MYH7B: variants seen among roughly 807,000 people sequenced by gnomAD.
MYH7B encodes myosin heavy chain 7B.
Under a neutral mutation model 234.5 loss-of-function variants are expected in MYH7B, and 205 were observed. The ratio of observed to expected loss-of-function variants is 0.87; its 90% CI spans 0.78 to 0.98. The LOEUF (loss-of-function observed/expected upper bound fraction) is 0.98. Ranked by LOEUF, MYH7B falls within the 50% of genes least tolerant of loss-of-function variation. The pLI is 0.00. For synonymous variants in MYH7B, 1,193 were observed against 1,105.0 expected, an observed-to-expected ratio of 1.08 and a Z score of -1.58; for missense variants, 2,652 against 2,633.4, an observed-to-expected ratio of 1.01 and a Z score of -0.15.
chr20:35,000,847 A>C lies in MYH7B; in HGVS notation c.5258A>C (p.Gln1753Pro), dbSNP rs775973294. ...AGCGGGGAGGTGGAGGAGGCTGCAC[A>C]GGAGAGGCGGGAGGCTGAGGAGAAG... is the stretch of plus-strand genomic sequence containing the variant. The change falls in exon 40 of 45, where the codon CAG becomes CCG. Residue 1753 changes from glutamine to proline, a missense_variant. Gln to Pro is a moderately conservative substitution (Grantham distance 76, BLOSUM62 -1). This residue lies in a region of MYH7B where 2,279 missense variants were observed against 2,211.4 expected (regional missense o/e 1.03). Transcript: ENST00000262873. 3.7e-6 allele frequency: 6 copies of C among 1,613,818 alleles called. No individual in the cohort carries two copies. In the South Asian group the frequency reaches 6.6e-5, roughly 18 times the overall value.
chr20:35,001,465 A>G, exon 43 of MYH7B: 7 of 1,609,376 alleles, frequency 4.3e-6, no homozygotes, highest in Non-Finnish European at 5.9e-6. Flanking sequence ...GCTCGCATGC[A>G]GGACCTGGTG....
intron 2 of MYH7B, among the ~76,000 whole-genome samples, chr20:34,973,251 C>T (rs569156230): frequency 1.3e-5 from 2 of 152,298 alleles, no homozygotes; most frequent in South Asian, 4.1e-4. Flanking sequence ...GGATTATGGG[C>T]ATAAGCCACT....
intron 7 of MYH7B, 132 bp downstream of exon 7, chr20:34,979,936 A>G (rs1600421838): frequency 1.5e-5 from 11 of 727,070 alleles, no homozygotes; most frequent in South Asian, 8.3e-5. Context: ...TGAATGATAG[A>G]GCGGGTCCAT....
chr20:34,977,801 G>A, intron 4 of MYH7B, 121 bp downstream of exon 4: 3 of 1,506,910 alleles, frequency 2.0e-6, no homozygotes, highest in Non-Finnish European at 2.7e-6. Context: ...CCTGGTGTTT[G>A]AGGGTGTGCA....
exon 27 of MYH7B, chr20:34,994,181 C>G: frequency 6.2e-7 from 1 of 1,613,418 alleles, no homozygotes; most frequent in Non-Finnish European, 8.5e-7. Context: ...AACATCCGTG[C>G]CTTCAATGCC....
intron 15 of MYH7B, 75 bp from the exon 16 acceptor site, chr20:34,987,074 G>C: frequency 6.2e-7 from 1 of 1,609,562 alleles, no homozygotes; most frequent in Non-Finnish European, 8.5e-7. Context: ...TGCATGAATG[G>C]TCCCGGGGCA....
chr20:34,989,569 G>T (rs908500777), intron 19 of MYH7B, among the ~76,000 whole-genome samples, 171 bp from the exon 20 acceptor site: 4 of 152,202 alleles, frequency 2.6e-5, no homozygotes, highest in Admixed American at 2.6e-4. Flanking sequence ...ACTTTTCTCT[G>T]TTAGGAGATG....
At chr20:35,001,290 G>T (rs779202700) in exon 42 of MYH7B, 2 of 1,613,020 alleles carry the variant, frequency 1.2e-6, no homozygotes. Context: ...GAAGAAGCAC[G>T]CCGAGGCCCT....
At chr20:34,956,432 C>T (rs1466838506) in intron 1 of MYH7B, among the ~76,000 whole-genome samples, 2 of 152,100 alleles carry the variant, frequency 1.3e-5, no homozygotes, top group Admixed American at 6.6e-5. Context: ...TTCATGATTC[C>T]TACCCCCCAC....
intron 22 of MYH7B, 170 bp from the exon 23 acceptor site, chr20:34,990,568 G>A: frequency 1.3e-6 from 1 of 784,938 alleles, no homozygotes; most frequent in Non-Finnish European, 2.3e-6. Flanking sequence ...GAAGACTTTG[G>A]TGGTGGTGAT....
intron 2 of MYH7B, among the ~76,000 whole-genome samples, chr20:34,965,270 C>A (rs1047187690): frequency 1.1e-4 from 16 of 152,222 alleles, no homozygotes; most frequent in Admixed American, 9.8e-4. Context: ...GGCAGTTGGA[C>A]TCCAGAACTC....
At chr20:34,971,608 C>G (rs927031648) in intron 2 of MYH7B, among the ~76,000 whole-genome samples, 3 of 152,144 alleles carry the variant, frequency 2.0e-5, no homozygotes, top group Admixed American at 2.0e-4. Flanking sequence ...GTGCCAGGGT[C>G]GTGGGCCCCT....
intron 2 of MYH7B, among the ~76,000 whole-genome samples, chr20:34,966,120 G>A (rs985856748): frequency 2.8e-4 from 43 of 152,202 alleles, no homozygotes; most frequent in African/African-American, 8.2e-4. Context: ...CTAGAAAGCT[G>A]GAACAAGAAT....
Position 34,993,427 on chromosome 20 carries a change from G to A in MYH7B, c.2401G>A (p.Gly801Ser), listed in dbSNP as rs1053421575. 5.6e-6 allele frequency: 9 copies of A among 1,611,922 alleles called. No individual in the cohort carries two copies. In the East Asian group the frequency reaches 2.0e-4, roughly 36 times the overall value. The change falls in exon 26 of 45, where the codon GGC becomes AGC. Residue 801 changes from glycine to serine, a missense_variant. Coordinates refer to ENST00000262873, the Ensembl canonical transcript of MYH7B. ...GACGCTGCTGCAGGCGCGGAGCCGT[G>A]GCCGCCTCATGCGCCTTGAGTACCA... is the stretch of plus-strand genomic sequence containing the variant.
chr20:35,000,541 A>G, exon 39 of MYH7B: 2 of 1,586,450 alleles, frequency 1.3e-6, no homozygotes, highest in Non-Finnish European at 1.7e-6. Context: ...CTCCACGAGC[A>G]GGCGCAGGCT....
rs768432243 is a variant in MYH7B, at chr20:34,989,928, T to TTGCTGGAA, written c.1767+10_1767+17dup. ...TCCACTACGCAGGCGTGGTAGGTGC[T>TTGCTGGAA]TGCTGGAACCCCAGCCCTCGGCCAG... On this transcript the variant is annotated intron_variant, in intron 20 of 44. Transcript: ENST00000262873. 1.9e-6 allele frequency: 3 copies of TTGCTGGAA among 1,613,412 alleles called. No individual in the cohort carries two copies. In the East Asian group the frequency reaches 6.7e-5, roughly 36 times the overall value.
rs566914317 is a variant in MYH7B, at chr20:34,985,782, C to T, written c.806-318C>T. 7.9e-5 allele frequency among the ~76,000 whole-genome samples: 12 copies of T among 152,200 alleles called. No homozygotes were observed. The South Asian group carries it at 2.3e-3, about 29-fold the overall frequency. Reference sequence around the variant, plus strand: ...CTACACAGACACACACAGACACACACGGAGGCTCGGCCACACACGCACACA... The same window carrying T: ...CTACACAGACACACACAGACACACATGGAGGCTCGGCCACACACGCACACA... On this transcript the variant is annotated intron_variant, in intron 13 of 44. Transcript: ENST00000262873.
chr20:34,984,545 AG>A, intron 10 of MYH7B, 146 bp from the exon 11 acceptor site: 2 of 709,072 alleles, frequency 2.8e-6, no homozygotes, highest in Non-Finnish European at 4.8e-6. Flanking sequence ...GGTCAGGCCG[AG>A]GGGCTGAGGG....
At chr20:34,994,661 A>G (rs2082220023) in intron 27 of MYH7B, among the ~76,000 whole-genome samples, 1 of 152,156 alleles carries the variant, frequency 6.6e-6, no homozygotes. Flanking sequence ...CCCTCCCTGC[A>G]ATCCCTGAAA....
Sources: gnomAD v4.1 joint callset for allele counts (sites outside exome capture counted in the v4.1 genomes callset) on GRCh38, gnomAD v4.1.1 for gene constraint, gnomAD v4.1.1 regional missense constraint, MANE v1.5 for transcripts, NCBI Gene and HGNC (gene_info 2026-07-23, HGNC 2026-07-21) for gene names.